CCDC80: variants seen among roughly 807,000 people sequenced by gnomAD.
CCDC80 encodes the protein coiled-coil domain containing 80.
In CCDC80, 49 loss-of-function variants were observed where a neutral mutation model predicts 78.7. That is an observed-to-expected ratio of 0.62 (90% confidence interval 0.50 to 0.79). The LOEUF (loss-of-function observed/expected upper bound fraction) is 0.79, where lower values mean the gene tolerates loss of function less well. CCDC80 is among the 30% of genes least tolerant of loss of function. CCDC80 has a pLI of 0.00. For missense variants in CCDC80, 1,205 were observed against 1,198.6 expected (o/e 1.01, Z -0.08); for synonymous variants, 488 against 447.0 (o/e 1.09, Z -1.16).
intron 3 of CCDC80, among the ~76,000 whole-genome samples, chr3:112,628,809 C>T (rs760726747): frequency 1.3e-5 from 2 of 152,212 alleles, no homozygotes; most frequent in Non-Finnish European, 1.5e-5. Flanking sequence ...GGAAAAGATG[C>T]TATTTATTTT....
chr3:112,619,231 G>T, intron 3 of CCDC80, 127 bp from the exon 4 acceptor site: 1 of 827,772 alleles, frequency 1.2e-6, no homozygotes, highest in Non-Finnish European at 1.7e-6. Context: ...AACTCACGTT[G>T]TGTTTGAACA....
At chr3:112,621,036 T>C (rs374717547) in intron 3 of CCDC80, among the ~76,000 whole-genome samples, 8 of 152,178 alleles carry the variant, frequency 5.3e-5, no homozygotes, top group African/African-American at 1.9e-4. Context: ...ATGGCTCAGA[T>C]GGAAGGAAGT....
intron 4 of CCDC80, 86 bp downstream of exon 4, chr3:112,618,882 G>T: frequency 7.2e-7 from 1 of 1,391,802 alleles, no homozygotes; most frequent in Non-Finnish European, 9.9e-7. Flanking sequence ...ATGCTTACTC[G>T]TACATTGAAT....
rs1003058887 is a variant in CCDC80 at position 112,603,502 on chromosome 3, G to A, written c.*1915C>T. On this transcript the variant is annotated 3_prime_UTR_variant, in exon 8 of 8. Coordinates refer to ENST00000206423, the MANE Select transcript of CCDC80 (RefSeq NM_199511.3). ...TGCACTCCAGCCTGGGTGACAGAGC[G>A]AGACTCCATCTCGAAAAAAATATAT... is the stretch of plus-strand genomic sequence containing the variant. 6.8e-6 allele frequency: 1 copy of A among 147,324 alleles called. No homozygotes were observed. Among genetic ancestry groups the A allele is most frequent in the Admixed American group, 6.9e-5 (1 of 14,420 alleles). The allele number at this position is 147,324 out of a possible 1,614,324, so 9.1% of individuals were successfully genotyped here.
chr3:112,605,230 C>G lies in CCDC80; in HGVS notation c.*187G>C, dbSNP rs1386962693. ...TTAGAAAAACAATTCTTTTAAATGT[C>G]TTTATGATTTGAGGTTTCAATAATA... On this transcript the variant is annotated 3_prime_UTR_variant, in exon 8 of 8. Transcript: ENST00000206423. 1 of 495,486 alleles carries G rather than the reference C, an allele frequency of 2.0e-6. No homozygotes were observed. The highest frequency in any genetic ancestry group is 3.5e-6 in the Non-Finnish European group (1 of 284,048). 30.7% of individuals were successfully genotyped at this position (495,486 alleles called of 1,614,324 possible). A position where few individuals can be genotyped will look rare whatever the true frequency, so the allele number is the denominator to read the frequency against.
At chr3:112,621,424 C>T (rs897066541) in intron 3 of CCDC80, among the ~76,000 whole-genome samples, 1 of 152,190 alleles carries the variant, frequency 6.6e-6, no homozygotes, top group Non-Finnish European at 1.5e-5. Flanking sequence ...CCAAGATCAG[C>T]AGAACCTCCT....
intron 3 of CCDC80, among the ~76,000 whole-genome samples, chr3:112,626,593 G>A (rs1036058324): frequency 2.0e-5 from 3 of 151,948 alleles, no homozygotes; most frequent in Admixed American, 1.3e-4. Context: ...TGTCACCCAG[G>A]TTAGAGTGTA....
chr3:112,618,065 T>C (rs1392632540), intron 4 of CCDC80, among the ~76,000 whole-genome samples: 1 of 152,248 alleles, frequency 6.6e-6, no homozygotes, highest in Non-Finnish European at 1.5e-5. Flanking sequence ...GCATTTATCT[T>C]AGACGTGTGA....
At chr3:112,613,949 A>T (rs1424269582) in intron 5 of CCDC80, among the ~76,000 whole-genome samples, 1 of 152,016 alleles carries the variant, frequency 6.6e-6, no homozygotes, top group African/African-American at 2.4e-5. Flanking sequence ...TAATAAAATG[A>T]CAACTTGAAA....
At position 112,598,360 on chromosome 3, in the gene CCDC80, C is replaced by A. The variant is rs1935318746; in HGVS notation, c.*7057G>T. On this transcript the variant is annotated 3_prime_UTR_variant, in exon 8 of 8. Transcript: ENST00000206423. ...TAGATAGCCTTGGGAAGGGTGTCAC[C>A]TTTATCCTATCAGTTCCACCTAATC... 6.6e-6 allele frequency: 1 copy of A among 152,124 alleles called. No individual in the cohort carries two copies. The highest frequency in any genetic ancestry group is 2.1e-4 in the South Asian group (1 of 4,830). The allele number at this position is 152,124 out of a possible 1,614,324, so 9.4% of individuals were successfully genotyped here. A position where few individuals can be genotyped will look rare whatever the true frequency, so the allele number is the denominator to read the frequency against.
chr3:112,607,127 A>C (rs373962254), intron 7 of CCDC80, 49 bp downstream of exon 7: 677 of 1,366,104 alleles, frequency 5.0e-4, no homozygotes, highest in Non-Finnish European at 6.5e-4. Context: ...AATGTAATTT[A>C]ACTGAACTTA....
At chr3:112,616,996 T>C (rs77457671) in intron 4 of CCDC80, 138 bp from the exon 5 acceptor site, 18 of 822,470 alleles carry the variant, frequency 2.2e-5, no homozygotes, top group Non-Finnish European at 3.0e-5. Context: ...CATTGCTTCA[T>C]AAATGCTCTC....
chr3:112,611,038 C>T (rs1935614666), intron 5 of CCDC80, among the ~76,000 whole-genome samples: 2 of 151,692 alleles, frequency 1.3e-5, no homozygotes, highest in Non-Finnish European at 2.9e-5. Context: ...CTCATCCTCC[C>T]GAGTAGCTGG....
intron 3 of CCDC80, among the ~76,000 whole-genome samples, chr3:112,624,507 A>G (rs1042107089): frequency 5.3e-5 from 8 of 152,138 alleles, no homozygotes; most frequent in Non-Finnish European, 1.0e-4. Context: ...TTGGAAATGG[A>G]TAAGTTTAAA....
In CCDC80 at chr3:112,602,763, AAAG is replaced by A. The variant is rs1277859772; in HGVS notation, c.*2651_*2653del. 6.6e-6 allele frequency: 1 copy of A among 152,282 alleles called. No homozygotes were observed. Among genetic ancestry groups the A allele is most frequent in the African/African-American group, 2.4e-5 (1 of 41,472 alleles). The allele number at this position is 152,282 out of a possible 1,614,324, so 9.4% of individuals were successfully genotyped here. On this transcript the variant is annotated 3_prime_UTR_variant, in exon 8 of 8. Coordinates refer to ENST00000206423, the MANE Select transcript of CCDC80 (RefSeq NM_199511.3). ...AGAGTCTGGTTCATGAGTTTGAAGA[AAAG>A]AAGCCTTGTGCATCCATAAAAGTGC...
At chr3:112,623,033 C>G (rs1935899395) in intron 3 of CCDC80, among the ~76,000 whole-genome samples, 1 of 152,036 alleles carries the variant, frequency 6.6e-6, no homozygotes, top group Non-Finnish European at 1.5e-5. Flanking sequence ...CCTGATCCAG[C>G]TGAAATGCTT....
rs921821625 is a variant in CCDC80 at position 112,604,437 on chromosome 3, T to C, written c.*980A>G. ...GCAAAAAGATTATGATCATTAGCAA[T>C]TTTTAGCAATAAAGTATTTTTAAAA... On this transcript the variant is annotated 3_prime_UTR_variant, in exon 8 of 8. Transcript: ENST00000206423. The C allele has an allele frequency of 6.6e-6, 1 of 152,186 alleles. No homozygotes were observed. Among genetic ancestry groups the C allele is most frequent in the Non-Finnish European group, 1.5e-5 (1 of 68,032 alleles). The allele number at this position is 152,186 out of a possible 1,614,324, so 9.4% of individuals were successfully genotyped here.
At chr3:112,625,863 T>C (rs1935959319) in intron 3 of CCDC80, among the ~76,000 whole-genome samples, 1 of 152,180 alleles carries the variant, frequency 6.6e-6, no homozygotes, top group Non-Finnish European at 1.5e-5. Context: ...AAAAAAAGTA[T>C]TTCTTTGAAA....
intron 3 of CCDC80, among the ~76,000 whole-genome samples, chr3:112,629,264 A>G (rs1488566258): frequency 6.6e-6 from 1 of 152,034 alleles, no homozygotes; most frequent in African/African-American, 2.4e-5. Context: ...GATGGAATAT[A>G]AAGGATTACT....
Sources: allele counts gnomAD v4.1 joint callset (sites outside exome capture counted in the v4.1 genomes callset), GRCh38; gene constraint gnomAD v4.1.1; transcripts MANE v1.5; gene names NCBI Gene and HGNC (gene_info 2026-07-23, HGNC 2026-07-21).